Variants in DCC observed in about 807,000 individuals in gnomAD.
DCC encodes DCC netrin 1 receptor, also known as netrin receptor DCC.
A neutral mutation model predicts 172.5 loss-of-function variants in DCC; 58 were observed. The observed-to-expected ratio is 0.34, with a 90% CI of 0.27 to 0.42. The LOEUF (loss-of-function observed/expected upper bound fraction) is 0.42, where lower values mean the gene tolerates loss of function less well. DCC is among the 10% of genes least tolerant of loss of function. DCC has a pLI of 1.00. For synonymous variants in DCC, 709 were observed against 644.5 expected (o/e 1.10, Z -1.52); for missense variants, 1,740 against 1,791.0 (o/e 0.97, Z 0.51).
chr18:53,387,259 C>T (rs898947200), intron 16 of DCC, among the ~76,000 whole-genome samples: 1 of 152,146 alleles, frequency 6.6e-6, no homozygotes, highest in Non-Finnish European at 1.5e-5. Flanking sequence ...CTTAAGAATA[C>T]AGTTGTTCTT....
chr18:53,428,862 A>T (rs1911336824), intron 21 of DCC, among the ~76,000 whole-genome samples: 1 of 45,494 alleles, frequency 2.2e-5, no homozygotes. Context: ...ATTATATATT[A>T]TATATTTTAT....
At position 52,340,466 on chromosome 18, in the gene DCC, A is replaced by G. The variant is rs915231617; in HGVS notation, c.-322A>G. On this transcript the variant is annotated 5_prime_UTR_variant, in exon 1 of 29. Coordinates refer to ENST00000442544, the MANE Select transcript of DCC (RefSeq NM_005215.4). ...TTGATGACTTGCGAGCCCCTCAGAG[A>G]GCTGTCTTCCCTCCTCTGGCTCCCT... 3 of 445,316 alleles carry G rather than the reference A, an allele frequency of 6.7e-6. No homozygotes were observed. Among genetic ancestry groups the G allele is most frequent in the Admixed American group, 3.4e-5 (1 of 29,240 alleles). 27.6% of individuals were successfully genotyped at this position (445,316 alleles called of 1,614,324 possible).
At chr18:53,274,813 C>G (rs1423088304) in intron 12 of DCC, among the ~76,000 whole-genome samples, 1 of 152,074 alleles carries the variant, frequency 6.6e-6, no homozygotes, top group Non-Finnish European at 1.5e-5. Context: ...TCAGGATCAC[C>G]TAGGATCCTT....
At chr18:53,439,760 A>C (rs541488877) in intron 22 of DCC, among the ~76,000 whole-genome samples, 1 of 128,596 alleles carries the variant, frequency 7.8e-6, no homozygotes, top group East Asian at 2.1e-4. Flanking sequence ...GTGATGTAGT[A>C]GTATTTTTCT....
At chr18:52,507,060 C>T (rs2031256145) in intron 1 of DCC, among the ~76,000 whole-genome samples, 1 of 151,826 alleles carries the variant, frequency 6.6e-6, no homozygotes, top group South Asian at 2.1e-4. Flanking sequence ...AAATGGGCAC[C>T]AAATAGTTAA....
intron 1 of DCC, among the ~76,000 whole-genome samples, chr18:52,567,469 A>G (rs2033186182): frequency 6.6e-6 from 1 of 152,096 alleles, no homozygotes; most frequent in South Asian, 2.1e-4. Flanking sequence ...TGCCAGCTGT[A>G]TGAATTCAGG....
Position 53,275,820 on chromosome 18 carries a change from A to AT in DCC, c.1912-29751dup, listed in dbSNP as rs1188221166. On this transcript the variant is annotated intron_variant, in intron 12 of 28. Coordinates refer to ENST00000442544, the MANE Select transcript of DCC (RefSeq NM_005215.4). ...GTATAACCAAATGTTATTGACTATA[A>AT]TTTTTTTAAAATAATTTTGTTACAA... Among the ~76,000 whole-genome samples the AT allele has an allele frequency of 2.6e-5, 4 of 152,238 alleles. No homozygotes were observed. The East Asian group carries it at 7.7e-4, about 29-fold the overall frequency.
intron 1 of DCC, among the ~76,000 whole-genome samples, chr18:52,747,833 G>A (rs1355728994): frequency 6.6e-6 from 1 of 152,218 alleles, no homozygotes; most frequent in African/African-American, 2.4e-5. Context: ...TCAATGTAAT[G>A]TATTCGTGGG....
At chr18:53,505,761 T>C (rs2046166039) in intron 27 of DCC, among the ~76,000 whole-genome samples, 1 of 152,242 alleles carries the variant, frequency 6.6e-6, no homozygotes, top group Non-Finnish European at 1.5e-5. Context: ...AAGAATGTAC[T>C]TGGATTATAC....
At chr18:52,387,817 G>T (rs556660687) in intron 1 of DCC, among the ~76,000 whole-genome samples, 4 of 152,100 alleles carry the variant, frequency 2.6e-5, no homozygotes. Context: ...ACATCCAAAA[G>T]AACTCTTTTT....
chr18:53,512,424 G>C (rs936466706), intron 27 of DCC, among the ~76,000 whole-genome samples: 1 of 151,676 alleles, frequency 6.6e-6, no homozygotes, highest in Non-Finnish European at 1.5e-5. Context: ...CCAAAAGAAC[G>C]CAGTTCCTCA....
intron 1 of DCC, among the ~76,000 whole-genome samples, chr18:52,603,016 T>G (rs957407328): frequency 1.3e-5 from 2 of 152,056 alleles, no homozygotes; most frequent in African/African-American, 4.8e-5. Flanking sequence ...AAAGAGTATC[T>G]AATGGCCTTT....
intron 9 of DCC, among the ~76,000 whole-genome samples, chr18:53,190,505 CACAA>C (rs2055350877): frequency 6.8e-6 from 1 of 146,276 alleles, no homozygotes; most frequent in Non-Finnish European, 1.5e-5. Context: ...TGTGTGTGTA[CACAA>C]ACTAAGATTA....
At chr18:52,457,620 G>A (rs1443667837) in intron 1 of DCC, among the ~76,000 whole-genome samples, 2 of 152,036 alleles carry the variant, frequency 1.3e-5, no homozygotes, top group African/African-American at 2.4e-5. Context: ...GTTAGTAAAC[G>A]GCCAAAGAAA....
chr18:53,120,659 G>A (rs1183738258), intron 7 of DCC, among the ~76,000 whole-genome samples: 1 of 151,738 alleles, frequency 6.6e-6, no homozygotes, highest in Non-Finnish European at 1.5e-5. Context: ...AAAGCCACAA[G>A]CTATGATATA....
chr18:53,338,651 AT>A lies in DCC; in HGVS notation c.2165-1055del, dbSNP rs201512089. Among the ~76,000 whole-genome samples the A allele has an allele frequency of 5.7e-3, 862 of 152,298 alleles. 7 individuals are homozygous for A. The highest frequency in any genetic ancestry group is 0.02 in the African/African-American group (816 of 41,564). ...TAATGATCAGTGTCCAGAAAAAAATATTTTTTTAAGACTAGGAAACAGCGAA... is the reference window on the plus strand; with the variant it reads ...TAATGATCAGTGTCCAGAAAAAAATATTTTTTAAGACTAGGAAACAGCGAA... On this transcript the variant is annotated intron_variant, in intron 14 of 28. Transcript: ENST00000442544.
At chr18:52,413,938 G>A (rs957049732) in intron 1 of DCC, among the ~76,000 whole-genome samples, 1 of 152,120 alleles carries the variant, frequency 6.6e-6, no homozygotes, top group African/African-American at 2.4e-5. Flanking sequence ...AGAATGATTT[G>A]TCATTACGTA....
intron 1 of DCC, among the ~76,000 whole-genome samples, chr18:52,657,431 G>A (rs867367468): frequency 6.6e-6 from 1 of 152,148 alleles, no homozygotes; most frequent in Non-Finnish European, 1.5e-5. Context: ...CCTTAGGAGA[G>A]GGTCAAGGTT....
intron 1 of DCC, among the ~76,000 whole-genome samples, chr18:52,451,456 C>G (rs1022427566): frequency 6.6e-6 from 1 of 152,116 alleles, no homozygotes; most frequent in South Asian, 2.1e-4. Context: ...CTCACACGCC[C>G]GGTAGCCCCA....
Sources: gnomAD v4.1 joint callset for allele counts (sites outside exome capture counted in the v4.1 genomes callset) on GRCh38, gnomAD v4.1.1 for gene constraint, MANE v1.5 for transcripts, NCBI Gene and HGNC (gene_info 2026-07-23, HGNC 2026-07-21) for gene names.